PHIP: variants seen among roughly 807,000 people sequenced by gnomAD.
PHIP encodes PH-interacting protein.
PHIP carries 54 observed loss-of-function variants against 236.8 expected under a neutral mutation model. The ratio of observed to expected loss-of-function variants is 0.23; its 90% confidence interval spans 0.18 to 0.29. The LOEUF is 0.29. Ranked by LOEUF, PHIP falls within the 10% of genes least tolerant of loss-of-function variation. The pLI, the probability that PHIP is intolerant of heterozygous loss-of-function variation, is 1.00. For synonymous variants in PHIP, 756 were observed against 718.9 expected, an observed-to-expected ratio of 1.05 and a Z score of -0.83; for missense variants, 1,370 against 2,190.8, an observed-to-expected ratio of 0.63 and a Z score of 7.48.
At chr6:79,067,129 C>T (rs1773662742) in intron 4 of PHIP, among the ~76,000 whole-genome samples, 1 of 152,138 alleles carries the variant, frequency 6.6e-6, no homozygotes, top group Admixed American at 6.5e-5. Flanking sequence ...TCAAGTGATC[C>T]TCCTGCCTCA....
chr6:78,979,789 A>T (rs1015811612), intron 23 of PHIP, among the ~76,000 whole-genome samples: 1 of 152,102 alleles, frequency 6.6e-6, no homozygotes, highest in Admixed American at 6.6e-5. Context: ...TTGTTTTTTT[A>T]AAAACAAGGT....
chr6:79,012,197 T>C (rs1770617249), intron 15 of PHIP, among the ~76,000 whole-genome samples: 1 of 151,680 alleles, frequency 6.6e-6, no homozygotes, highest in Non-Finnish European at 1.5e-5. Flanking sequence ...AAGGTATAAA[T>C]TTCCAATGGA....
intron 19 of PHIP, among the ~76,000 whole-genome samples, chr6:78,992,087 C>T (rs1279969899): frequency 3.3e-5 from 5 of 151,414 alleles, no homozygotes; most frequent in East Asian, 2.0e-4. Context: ...CTCAGCCTCC[C>T]GAGTAGCTGG....
chr6:79,039,032 G>T (rs1014938061), intron 7 of PHIP, among the ~76,000 whole-genome samples: 1 of 152,064 alleles, frequency 6.6e-6, no homozygotes, highest in Non-Finnish European at 1.5e-5. Context: ...TTTAATCCCT[G>T]ATTTCTTTTA....
Position 79,078,178 on chromosome 6 carries a change from T to C in PHIP, c.-110A>G. 1.8e-6 allele frequency: 2 copies of C among 1,085,844 alleles called. No individual in the cohort carries two copies. The highest frequency in any genetic ancestry group is 2.7e-6 in the Non-Finnish European group (2 of 747,994). The allele number at this position is 1,085,844 out of a possible 1,614,324, so 67.3% of individuals were successfully genotyped here. ...GTCAGTGTGTGTTCACGAGCCGAGC[T>C]TCGGCTCCACCATTCAAGCAACGGC... On this transcript the variant is annotated 5_prime_UTR_variant, in exon 1 of 40. Coordinates refer to ENST00000275034, the MANE Select transcript of PHIP (RefSeq NM_017934.7).
At position 78,965,749 on chromosome 6, in the gene PHIP, A is replaced by G. The variant is rs762928783; in HGVS notation, c.3333T>C (p.Asp1111=). ...QCYNVCWDNG[D]TEKMSPWDME... ...TATCCCAAGGACTCATCTTTTCTGTATCTCCATTGTCCCAGCTTAAAGAAA... is the reference window on the plus strand; with the variant it reads ...TATCCCAAGGACTCATCTTTTCTGTGTCTCCATTGTCCCAGCTTAAAGAAA... The change falls in exon 29 of 40, where the codon GAT becomes GAC. Residue 1111 remains aspartate, a synonymous_variant. Coordinates refer to ENST00000275034, the MANE Select transcript of PHIP (RefSeq NM_017934.7). 6.2e-5 allele frequency: 96 copies of G among 1,559,534 alleles called. No homozygotes were observed. Among genetic ancestry groups the G allele is most frequent in the Non-Finnish European group, 8.2e-5 (93 of 1,133,580 alleles).
At chr6:78,965,627 A>G (rs1767077454) in intron 29 of PHIP, 76 bp downstream of exon 29, 2 of 806,990 alleles carry the variant, frequency 2.5e-6, no homozygotes, top group Non-Finnish European at 2.1e-6. Flanking sequence ...AAGTGGTAGC[A>G]TGTTAGCAAA....
chr6:79,024,069 A>G (rs2127747019), intron 9 of PHIP, among the ~76,000 whole-genome samples: 1 of 152,316 alleles, frequency 6.6e-6, no homozygotes, highest in East Asian at 1.9e-4. Flanking sequence ...AACTGAAGTG[A>G]AGTCAACTTG....
chr6:78,966,656 C>T (rs1767154606), intron 27 of PHIP, among the ~76,000 whole-genome samples: 1 of 152,164 alleles, frequency 6.6e-6, no homozygotes, highest in Admixed American at 6.5e-5. Flanking sequence ...TTTCCTTATC[C>T]AATTGCTGTC....
At chr6:78,983,263 T>C in intron 22 of PHIP, 146 bp from the exon 23 acceptor site, 1 of 444,312 alleles carries the variant, frequency 2.3e-6, no homozygotes, top group East Asian at 3.4e-5. Context: ...TTTCAACTCA[T>C]CTTCAAAAGT....
chr6:78,982,487 T>C (rs1167255301), intron 23 of PHIP, among the ~76,000 whole-genome samples: 3 of 152,050 alleles, frequency 2.0e-5, no homozygotes, highest in Admixed American at 2.0e-4. Flanking sequence ...GTGATGTTCC[T>C]CACAGACTTT....
chr6:78,941,305 T>C lies in PHIP; in HGVS notation c.4854A>G (p.Val1618=). The change falls in exon 40 of 40, where the codon GTA becomes GTG. Residue 1618 remains valine, a synonymous_variant. Coordinates refer to ENST00000275034, the MANE Select transcript of PHIP (RefSeq NM_017934.7). The part of the protein sequence containing the change: ...EQGDCKNNAL[V]PGTIQVNGHG... ...GGCCATTTACTTGAATGGTTCCTGG[T>C]ACAAGAGCGTTGTTCTTACAATCTC... is the stretch of plus-strand genomic sequence containing the variant. 1.2e-6 allele frequency: 2 copies of C among 1,613,382 alleles called. No homozygotes were observed. The highest frequency in any genetic ancestry group is 1.7e-6 in the Non-Finnish European group (2 of 1,179,490).
intron 35 of PHIP, among the ~76,000 whole-genome samples, chr6:78,948,614 C>A (rs914379650): frequency 2.6e-5 from 4 of 152,110 alleles, no homozygotes; most frequent in African/African-American, 4.8e-5. Context: ...CCCACCTCAG[C>A]CTCTCAAGTA....
At chr6:79,059,687 G>A (rs1773268230) in intron 6 of PHIP, among the ~76,000 whole-genome samples, 1 of 146,568 alleles carries the variant, frequency 6.8e-6, no homozygotes, top group Admixed American at 6.9e-5. Context: ...AGAAAAGGAA[G>A]AATTAAGTAA....
intron 15 of PHIP, among the ~76,000 whole-genome samples, 190 bp from the exon 16 acceptor site, chr6:79,004,048 A>G (rs1453812060): frequency 6.6e-6 from 1 of 152,096 alleles, no homozygotes; most frequent in Admixed American, 6.6e-5. Flanking sequence ...TTGAAAAATA[A>G]AGTATTCTAT....
chr6:78,939,223 C>T lies in PHIP; in HGVS notation c.*1470G>A, dbSNP rs555911063. The T allele has an allele frequency of 6.6e-6, 1 of 151,826 alleles. No homozygotes were observed. The highest frequency in any genetic ancestry group is 2.4e-5 in the African/African-American group (1 of 41,530). 9.4% of individuals were successfully genotyped at this position (151,826 alleles called of 1,614,324 possible). A position where few individuals can be genotyped will look rare whatever the true frequency, so the allele number is the denominator to read the frequency against. Reference sequence around the variant, plus strand: ...GCAGTACATATAGCAATACATTCTCCTAAGTCATATAGTTATCATTTACAA... The same window carrying T: ...GCAGTACATATAGCAATACATTCTCTTAAGTCATATAGTTATCATTTACAA... On this transcript the variant is annotated 3_prime_UTR_variant, in exon 40 of 40. Transcript: ENST00000275034.
chr6:78,998,519 CTA>C, intron 17 of PHIP, 128 bp from the exon 18 acceptor site: 2 of 591,522 alleles, frequency 3.4e-6, no homozygotes, highest in Admixed American at 3.3e-5. Context: ...AAATGATCAA[CTA>C]TAAATGATGG....
Position 78,941,159 on chromosome 6 carries a change from T to A in PHIP, c.5000A>T (p.Gln1667Leu). 1 of 1,614,040 alleles carries A rather than the reference T, an allele frequency of 6.2e-7. No homozygotes were observed. Among genetic ancestry groups the A allele is most frequent in the Non-Finnish European group, 8.5e-7 (1 of 1,179,904 alleles). ...CTCTAAATCTTCTGGCTTTGCATAC[T>A]GTAGCTTTTTGGGCTTTCTACCCCT... Reference protein sequence around the residue: ...KKRGRKPKKLQYAKPEDLEQN... With the variant: ...KKRGRKPKKLLYAKPEDLEQN... The change falls in exon 40 of 40, where the codon CAG becomes CTG. Residue 1667 changes from glutamine to leucine, a missense_variant. Gln to Leu is a moderately radical substitution (Grantham distance 113). Around this residue, in one of 14 missense-constraint regions of PHIP, gnomAD observed 309 missense variants for 328.3 expected, o/e 0.94. Coordinates refer to ENST00000275034, the MANE Select transcript of PHIP (RefSeq NM_017934.7).
rs775717489 is a variant in PHIP, at chr6:78,969,896, A to G, written c.3144T>C (p.Val1048=). ...FTMKYHDMPD[V]IDFLVLRQQF... ...GTTGTCTCAAGACTAGGAAATCTAT[A>G]ACGTCAGGCATATCATGGTATCTAA... is the stretch of plus-strand genomic sequence containing the variant. Residue 1048 remains valine, a synonymous_variant, in exon 27 of 40, where the codon GTT becomes GTC. Coordinates refer to ENST00000275034, the MANE Select transcript of PHIP (RefSeq NM_017934.7). The G allele has an allele frequency of 1.9e-6, 3 of 1,600,642 alleles. No homozygotes were observed. Among genetic ancestry groups the G allele is most frequent in the Non-Finnish European group, 2.6e-6 (3 of 1,170,094 alleles).
Sources: gnomAD v4.1 joint callset for allele counts (sites outside exome capture counted in the v4.1 genomes callset) on GRCh38, gnomAD v4.1.1 for gene constraint, gnomAD v4.1.1 regional missense constraint, MANE v1.5 for transcripts, NCBI Gene and HGNC (gene_info 2026-07-23, HGNC 2026-07-21) for gene names.